COL24A1: variants seen among roughly 807,000 people sequenced by gnomAD.
COL24A1 encodes collagen alpha-1(XXIV) chain.
Under a neutral mutation model 253.9 loss-of-function variants are expected in COL24A1, and 224 were observed. The ratio of observed to expected loss-of-function variants is 0.88; its 90% CI spans 0.79 to 0.99. The LOEUF (loss-of-function observed/expected upper bound fraction) is 0.99. Ranked by LOEUF, COL24A1 falls within the 50% of genes least tolerant of loss-of-function variation. The pLI is 0.00. For synonymous variants in COL24A1, 685 were observed against 673.7 expected, an observed-to-expected ratio of 1.02 and a Z score of -0.26; for missense variants, 2,131 against 2,068.5, an observed-to-expected ratio of 1.03 and a Z score of -0.59.
intron 47 of COL24A1, among the ~76,000 whole-genome samples, chr1:85,802,650 C>A (rs570998579): frequency 7.9e-5 from 12 of 152,154 alleles, no homozygotes; most frequent in African/African-American, 2.9e-4. Flanking sequence ...ATAAATATAC[C>A]TATTAAACCA....
At chr1:85,893,574 G>C (rs1683354347) in intron 31 of COL24A1, among the ~76,000 whole-genome samples, 1 of 152,068 alleles carries the variant, frequency 6.6e-6, no homozygotes. Context: ...TAACACAATG[G>C]ATTGTGGTCT....
chr1:85,899,261 T>C (rs1376945124), intron 28 of COL24A1, among the ~76,000 whole-genome samples: 1 of 152,172 alleles, frequency 6.6e-6, no homozygotes, highest in African/African-American at 2.4e-5. Flanking sequence ...TGAAAAGGAA[T>C]GAGTGGTCAA....
chr1:85,730,427 T>C lies in COL24A1; in HGVS notation c.*119A>G. On this transcript the variant is annotated 3_prime_UTR_variant, in exon 60 of 60. Transcript: ENST00000370571. ...GAAGTCTGTTCTTCCTGAGATTCTT[T>C]AAGATTTAGCCAATGCTTTATTACA... 3 of 1,091,310 alleles carry C rather than the reference T, an allele frequency of 2.7e-6. No homozygotes were observed. The highest frequency in any genetic ancestry group is 2.6e-6 in the Non-Finnish European group (2 of 777,456). 67.6% of individuals were successfully genotyped at this position (1,091,310 alleles called of 1,614,324 possible). A position where few individuals can be genotyped will look rare whatever the true frequency, so the allele number is the denominator to read the frequency against.
chr1:85,774,570 A>T (rs956581766), intron 53 of COL24A1, among the ~76,000 whole-genome samples: 2 of 152,102 alleles, frequency 1.3e-5, no homozygotes, highest in African/African-American at 4.8e-5. Flanking sequence ...GTCTATTCAG[A>T]GATTCAACTT....
intron 14 of COL24A1, among the ~76,000 whole-genome samples, chr1:86,025,425 G>A (rs1457706397): frequency 2.0e-5 from 3 of 152,054 alleles, no homozygotes; most frequent in Non-Finnish European, 2.9e-5. Flanking sequence ...ATTAATAAGG[G>A]TTCATATGGT....
At chr1:85,769,855 G>T (rs1488236568) in intron 53 of COL24A1, among the ~76,000 whole-genome samples, 1 of 152,134 alleles carries the variant, frequency 6.6e-6, no homozygotes, top group African/African-American at 2.4e-5. Context: ...TACAACCTAA[G>T]ATGGCAGTCC....
chr1:85,736,326 A>G (rs777500972), intron 58 of COL24A1: 35 of 456,138 alleles, frequency 7.7e-5, no homozygotes, highest in Non-Finnish European at 1.1e-4. Flanking sequence ...TGATTTGGTC[A>G]TGGAAACAAC....
chr1:85,745,585 A>T, intron 55 of COL24A1, 79 bp from the exon 56 acceptor site: 1 of 989,378 alleles, frequency 1.0e-6, no homozygotes, highest in South Asian at 1.5e-5. Context: ...AAATTCTGAA[A>T]GCACTGCTGT....
chr1:86,025,918 T>A (rs1697986172), intron 14 of COL24A1, among the ~76,000 whole-genome samples: 1 of 152,172 alleles, frequency 6.6e-6, no homozygotes, highest in African/African-American at 2.4e-5. Flanking sequence ...TCCAAAAATA[T>A]CTCCTTTGTG....
chr1:85,797,380 C>A (rs1429237692), intron 47 of COL24A1, among the ~76,000 whole-genome samples: 3 of 152,002 alleles, frequency 2.0e-5, no homozygotes, highest in Non-Finnish European at 1.5e-5. Flanking sequence ...TCAGAGCAGA[C>A]AAGCTCAACT....
At chr1:85,979,470 C>T (rs1452630735) in intron 20 of COL24A1, among the ~76,000 whole-genome samples, 4 of 151,746 alleles carry the variant, frequency 2.6e-5, no homozygotes, top group Non-Finnish European at 5.9e-5. Flanking sequence ...GAGAGAAGAT[C>T]CAAATAAGTT....
rs117985724 is a variant in COL24A1, at chr1:85,795,590, T to C, written c.3952-9129A>G. ...GTAGAATGACAAAATGACACTGAACTTCATATTGGTTGATATTTTTCTTTA... is the reference window on the plus strand; with the variant it reads ...GTAGAATGACAAAATGACACTGAACCTCATATTGGTTGATATTTTTCTTTA... On this transcript the variant is annotated intron_variant, in intron 47 of 59. Transcript: ENST00000370571. Among the ~76,000 whole-genome samples the C allele has an allele frequency of 6.4e-4, 97 of 152,262 alleles. 1 individual carries two copies. The East Asian group carries it at 0.013, about 20-fold the overall frequency.
chr1:85,792,237 T>G (rs1670345136), intron 47 of COL24A1, among the ~76,000 whole-genome samples: 1 of 152,086 alleles, frequency 6.6e-6, no homozygotes, highest in Non-Finnish European at 1.5e-5. Flanking sequence ...AGTTGATTCC[T>G]AGGATATTAA....
At chr1:85,808,416 A>C (rs1209755161) in intron 47 of COL24A1, among the ~76,000 whole-genome samples, 1 of 152,238 alleles carries the variant, frequency 6.6e-6, no homozygotes, top group Admixed American at 6.5e-5. Flanking sequence ...AGCCACTGGC[A>C]ACAACAGCTA....
At chr1:85,733,007 T>C (rs1474870858) in intron 59 of COL24A1, among the ~76,000 whole-genome samples, 2 of 152,180 alleles carry the variant, frequency 1.3e-5, no homozygotes, top group East Asian at 3.8e-4. Flanking sequence ...TAAGTTTGAA[T>C]TGTGTCTCAG....
At chr1:85,873,197 G>A (rs1680736162) in intron 35 of COL24A1, among the ~76,000 whole-genome samples, 1 of 152,230 alleles carries the variant, frequency 6.6e-6, no homozygotes, top group Non-Finnish European at 1.5e-5. Flanking sequence ...AAATGCTGGA[G>A]AGGAGGATGT....
intron 47 of COL24A1, among the ~76,000 whole-genome samples, chr1:85,797,915 G>A (rs545959594): frequency 3.9e-5 from 6 of 152,080 alleles, no homozygotes; most frequent in Non-Finnish European, 5.9e-5. Flanking sequence ...TAAACCAGCC[G>A]AGCATGGTGG....
intron 32 of COL24A1, 124 bp downstream of exon 32, chr1:85,889,436 T>G (rs1389109113): frequency 1.3e-6 from 1 of 764,768 alleles, no homozygotes; most frequent in Non-Finnish European, 2.2e-6. Flanking sequence ...GTGATTAGTC[T>G]ATGGTGTCTA....
intron 53 of COL24A1, 46 bp from the exon 54 acceptor site, chr1:85,761,612 G>A (rs777193573): frequency 1.3e-5 from 20 of 1,599,644 alleles, no homozygotes; most frequent in Admixed American, 1.7e-5. Context: ...TTATACTTTT[G>A]GTTGGGTATA....
Sources: gnomAD v4.1 joint callset for allele counts (sites outside exome capture counted in the v4.1 genomes callset) on GRCh38, gnomAD v4.1.1 for gene constraint, MANE v1.5 for transcripts, NCBI Gene and HGNC (gene_info 2026-07-23, HGNC 2026-07-21) for gene names.